The following TDRD9 variants were observed in gnomAD, a reference collection of about 807,000 sequenced individuals.
TDRD9 encodes the protein tudor domain containing 9.
TDRD9 carries 124 observed loss-of-function variants against 172.6 expected under a neutral mutation model. The ratio of observed to expected loss-of-function variants is 0.72; its 90% CI spans 0.62 to 0.83. TDRD9 has a LOEUF of 0.83. Ranked by LOEUF, TDRD9 falls within the 40% of genes least tolerant of loss-of-function variation. The pLI is 0.00. For missense variants in TDRD9, 1,479 were observed against 1,714.1 expected, an observed-to-expected ratio of 0.86 and a Z score of 2.42; for synonymous variants, 619 against 617.1, an observed-to-expected ratio of 1.00 and a Z score of -0.05.
chr14:104,047,887 A>C (rs1025079600), intron 34 of TDRD9, among the ~76,000 whole-genome samples: 1 of 152,030 alleles, frequency 6.6e-6, no homozygotes, highest in African/African-American at 2.4e-5. Flanking sequence ...TTTTATTGAG[A>C]TTATCCCTGA....
At chr14:104,026,579 T>C (rs1459678303) in intron 27 of TDRD9, 100 bp from the exon 28 acceptor site, 16 of 1,346,048 alleles carry the variant, frequency 1.2e-5, no homozygotes, top group Non-Finnish European at 1.6e-5. Flanking sequence ...ATGAGAATAT[T>C]ATTGAAGGTA....
intron 21 of TDRD9, 60 bp from the exon 22 acceptor site, chr14:104,015,921 T>C: frequency 1.6e-6 from 2 of 1,215,782 alleles, no homozygotes; most frequent in Non-Finnish European, 1.2e-6. Context: ...GATTAGTATA[T>C]TGGTGAGAAT....
rs143461864 is a variant in TDRD9, at chr14:104,052,255, G to A, written c.*173G>A. 93 of 462,786 alleles carry A rather than the reference G, an allele frequency of 2.0e-4. No homozygotes were observed. Among genetic ancestry groups the A allele is most frequent in the African/African-American group, 1.7e-3 (89 of 51,076 alleles). The allele number at this position is 462,786 out of a possible 1,614,324, so 28.7% of individuals were successfully genotyped here. A position where few individuals can be genotyped will look rare whatever the true frequency, so the allele number is the denominator to read the frequency against. ...CTTTGGGTGATAGTCAGAGAGTGGT[G>A]TTTTTGTTCAGGTGGGAAGGATTGG... On this transcript the variant is annotated 3_prime_UTR_variant, in exon 36 of 36. Transcript: ENST00000409874.
In TDRD9 at chr14:104,004,246, G is replaced by A; in HGVS notation, c.1492G>A (p.Gly498Arg). The A allele has an allele frequency of 6.3e-7, 1 of 1,579,266 alleles. No individual in the cohort carries two copies. The highest frequency in any genetic ancestry group is 8.7e-7 in the Non-Finnish European group (1 of 1,154,152). ...ACATCTCTCCTTTGAAGGCCGTGCTGGACGAGTGTCTAGAGGGTACTGTTA... is the reference window on the plus strand; with the variant it reads ...ACATCTCTCCTTTGAAGGCCGTGCTAGACGAGTGTCTAGAGGGTACTGTTA... ...TSCNQRKGRA[G>R]RVSRGYCYRL... The change falls in exon 14 of 36, where the codon GGA (glycine) becomes AGA (arginine). Residue 498 changes from glycine to arginine, a missense_variant. By Grantham distance (125) the Gly-to-Arg change is moderately radical (BLOSUM62 -2). Around this residue, in one of 3 missense-constraint regions of TDRD9, gnomAD observed 1,413 missense variants for 1,649.1 expected, o/e 0.86. Coordinates refer to ENST00000409874, the MANE Select transcript of TDRD9 (RefSeq NM_153046.3).
At chr14:104,023,223 A>G (rs1447621002) in intron 24 of TDRD9, among the ~76,000 whole-genome samples, 2 of 139,564 alleles carry the variant, frequency 1.4e-5, no homozygotes, top group Admixed American at 7.2e-5. Context: ...AAGGATACCT[A>G]TGGTGTAAGG....
At chr14:104,016,180 GA>G in intron 22 of TDRD9, 92 bp downstream of exon 22, 1 of 891,530 alleles carries the variant, frequency 1.1e-6, no homozygotes, top group Non-Finnish European at 1.7e-6. Context: ...AGTCCTAAGT[GA>G]ATTTTCCCCT....
intron 5 of TDRD9, 24 bp from the exon 6 acceptor site, chr14:103,970,517 G>T: frequency 6.5e-7 from 1 of 1,539,490 alleles, no homozygotes; most frequent in Non-Finnish European, 8.8e-7. Context: ...CCATGTGGGG[G>T]GTGCCCCCTT....
intron 1 of TDRD9, chr14:103,941,371 A>G (rs146277880): frequency 1.9e-4 from 281 of 1,495,720 alleles, no homozygotes; most frequent in Admixed American, 3.1e-4. Flanking sequence ...AGTAGCAGGA[A>G]TCATAAGAGA....
Position 104,049,698 on chromosome 14 carries a change from T to C in TDRD9, c.4047+18T>C. On this transcript the variant is annotated intron_variant, in intron 35 of 35. Coordinates refer to ENST00000409874, the MANE Select transcript of TDRD9 (RefSeq NM_153046.3). ...GGAATCAGGTGAGTGGGACGCAGGC[T>C]GCTACATGAGCAGAGGCCACGTGGA... is the stretch of plus-strand genomic sequence containing the variant. The C allele has an allele frequency of 6.4e-7, 1 of 1,566,578 alleles. No homozygotes were observed. The highest frequency in any genetic ancestry group is 8.7e-7 in the Non-Finnish European group (1 of 1,155,704).
In TDRD9 at chr14:103,937,369, C is replaced by T. The variant is rs1187450; in HGVS notation, c.215+8645C>T. Among the ~76,000 whole-genome samples the T allele has an allele frequency of 9.2e-3, 1,395 of 152,266 alleles. 44 individuals are homozygous for T. In the East Asian group the frequency reaches 0.095, roughly 10 times the overall value. The stretch of plus-strand genomic sequence containing the variant: ...CTCTTCTGTATTCAGTGCTTCCCGT[C>T]GCTCCCTTCCCATTGCAGGCTCCTT... On this transcript the variant is annotated intron_variant, in intron 1 of 35. Transcript: ENST00000409874.
intron 8 of TDRD9, among the ~76,000 whole-genome samples, chr14:103,986,726 A>C (rs1430712721): frequency 5.3e-5 from 8 of 152,226 alleles, no homozygotes; most frequent in African/African-American, 1.7e-4. Context: ...CTCCTTCTGT[A>C]ATCCAGATGT....
Position 104,051,501 on chromosome 14 carries a change from C to T in TDRD9, c.4048-480C>T, listed in dbSNP as rs549802080. Among the ~76,000 whole-genome samples, 269 of 152,306 alleles carry T rather than the reference C, an allele frequency of 1.8e-3. 1 individual carries two copies. Among genetic ancestry groups the T allele is most frequent in the African/African-American group, 6.4e-3 (267 of 41,548 alleles). On this transcript the variant is annotated intron_variant, in intron 35 of 35. Coordinates refer to ENST00000409874, the MANE Select transcript of TDRD9 (RefSeq NM_153046.3). ...GAATTGCTGGATCAAATGGTAGTTC[C>T]GTTTTAAGACCTTTGAGAAATCTCC...
chr14:104,001,214 C>G (rs2034249162), intron 13 of TDRD9, among the ~76,000 whole-genome samples: 1 of 152,248 alleles, frequency 6.6e-6, no homozygotes, highest in Non-Finnish European at 1.5e-5. Flanking sequence ...CTGTGCTGCC[C>G]CCTTGCAGCC....
At chr14:103,938,338 ACCTGAAACATT>A (rs1365093017) in intron 1 of TDRD9, among the ~76,000 whole-genome samples, 1 of 147,248 alleles carries the variant, frequency 6.8e-6, no homozygotes, top group Non-Finnish European at 1.5e-5. Context: ...GATAAAACAC[ACCTGAAACATT>A]CCAGTCGTCC....
rs1267500806 is a variant in TDRD9, at chr14:103,949,380, T to G, written c.216-6284T>G. Among the ~76,000 whole-genome samples the G allele has an allele frequency of 2.6e-5, 4 of 152,344 alleles. No individual in the cohort carries two copies. In the East Asian group the frequency reaches 5.8e-4, roughly 22 times the overall value. On this transcript the variant is annotated intron_variant, in intron 1 of 35. Coordinates refer to ENST00000409874, the MANE Select transcript of TDRD9 (RefSeq NM_153046.3). ...ATGATGTCTTGCAATGTGTAATTCATTTTGCTAGTAGAAGAATTCTTTGTA... is the reference window on the plus strand; with the variant it reads ...ATGATGTCTTGCAATGTGTAATTCAGTTTGCTAGTAGAAGAATTCTTTGTA...
chr14:103,962,481 A>C (rs1016633402), intron 2 of TDRD9, among the ~76,000 whole-genome samples: 3 of 152,200 alleles, frequency 2.0e-5, no homozygotes, highest in Non-Finnish European at 4.4e-5. Context: ...GAAGTTTCTT[A>C]AGAAATTAAA....
At chr14:103,962,254 G>A (rs2032542441) in intron 2 of TDRD9, among the ~76,000 whole-genome samples, 1 of 151,944 alleles carries the variant, frequency 6.6e-6, no homozygotes, top group Non-Finnish European at 1.5e-5. Flanking sequence ...ATGTATTTTA[G>A]TAGCAGGGAA....
chr14:103,935,069 C>T (rs2030665495), intron 1 of TDRD9, among the ~76,000 whole-genome samples: 1 of 152,154 alleles, frequency 6.6e-6, no homozygotes, highest in South Asian at 2.1e-4. Flanking sequence ...CTGTGTCAGC[C>T]GACTGACTTT....
intron 20 of TDRD9, 106 bp downstream of exon 20, chr14:104,008,572 C>G: frequency 1.4e-6 from 1 of 735,706 alleles, no homozygotes; most frequent in South Asian, 1.8e-5. Flanking sequence ...ATGAGTATTC[C>G]AAGAAGTGTA....
Sources: allele counts gnomAD v4.1 joint callset (sites outside exome capture counted in the v4.1 genomes callset), GRCh38; gene constraint gnomAD v4.1.1; regional missense constraint gnomAD v4.1.1; transcripts MANE v1.5; gene names NCBI Gene and HGNC (gene_info 2026-07-23, HGNC 2026-07-21).